DST: variants seen among roughly 807,000 people sequenced by gnomAD.
The protein encoded by DST is dystonin, also known as bullous pemphigoid antigen.
A neutral mutation model predicts 875.2 loss-of-function variants in DST; 253 were observed. That is an observed-to-expected ratio of 0.29 (90% CI 0.26 to 0.32). The LOEUF (loss-of-function observed/expected upper bound fraction) is 0.32. Ranked by LOEUF, DST falls within the 10% of genes least tolerant of loss-of-function variation. The pLI, the probability that DST is intolerant of heterozygous loss-of-function variation, is 1.00. For missense variants in DST, 8,287 were observed against 9,111.6 expected, an observed-to-expected ratio of 0.91 and a Z score of 3.68; for synonymous variants, 3,124 against 3,197.1, an observed-to-expected ratio of 0.98 and a Z score of 0.77.
chr6:56,721,083 C>T (rs1182843106), intron 5 of DST, among the ~76,000 whole-genome samples: 33 of 149,310 alleles, frequency 2.2e-4, no homozygotes, highest in South Asian at 1.1e-3. Flanking sequence ...ACCTCCCAGA[C>T]GGGGCGGCTG....
rs111742523 is a variant in DST at position 56,661,492 on chromosome 6, G to C, written c.1214+9149C>G. Among the ~76,000 whole-genome samples the C allele has an allele frequency of 2.3e-3, 346 of 152,170 alleles. 1 individual carries two copies. Among genetic ancestry groups the C allele is most frequent in the African/African-American group, 8.0e-3 (332 of 41,536 alleles). ...TGTTAGTGGATCAGTGGCAGCATGC[G>C]GGGGGAGGGGAAACTCATGTTGATT... is the stretch of plus-strand genomic sequence containing the variant. On this transcript the variant is annotated intron_variant, in intron 10 of 103. Coordinates refer to ENST00000680361, the MANE Select transcript of DST (RefSeq NM_001374736.1).
chr6:56,912,174 G>A (rs1799051143), intron 2 of DST, among the ~76,000 whole-genome samples: 1 of 152,104 alleles, frequency 6.6e-6, no homozygotes, highest in African/African-American at 2.4e-5. Flanking sequence ...AGCCCTTTCT[G>A]CTCATTCCAT....
In DST at chr6:56,580,623, T is replaced by C. The variant is rs140716671; in HGVS notation, c.12904-1686A>G. 1.1e-4 allele frequency among the ~76,000 whole-genome samples: 17 copies of C among 151,492 alleles called. No individual in the cohort carries two copies. In the East Asian group the frequency reaches 2.5e-3, roughly 22 times the overall value. ...ATTTCATAATTACAGAATGTTCTAG[T>C]AGACAGCACTGCTGGAGAGGGCAGG... On this transcript the variant is annotated intron_variant, in intron 49 of 103. Transcript: ENST00000680361.
chr6:56,838,155 C>T (rs2099795907), intron 4 of DST, among the ~76,000 whole-genome samples: 1 of 152,146 alleles, frequency 6.6e-6, no homozygotes, highest in South Asian at 2.1e-4. Flanking sequence ...AAATAACAAA[C>T]ATTCGAAACT....
At chr6:56,762,441 C>T (rs1378225173) in intron 4 of DST, among the ~76,000 whole-genome samples, 1 of 152,218 alleles carries the variant, frequency 6.6e-6, no homozygotes, top group Admixed American at 6.5e-5. Context: ...AAAAGCAGCT[C>T]CTCCAGAGTC....
intron 2 of DST, among the ~76,000 whole-genome samples, chr6:56,905,597 T>C (rs1339323019): frequency 6.6e-6 from 1 of 152,184 alleles, no homozygotes; most frequent in African/African-American, 2.4e-5. Flanking sequence ...TTCCTTCATT[T>C]TTTAAGGCTG....
rs7739328 is a variant in DST at position 56,534,492 on chromosome 6, T to C, written c.16941+630A>G. Among the ~76,000 whole-genome samples, 1,362 of 152,290 alleles carry C rather than the reference T, an allele frequency of 8.9e-3. 21 individuals carry two copies. The highest frequency in any genetic ancestry group is 0.032 in the African/African-American group (1,311 of 41,556). ...CTATTTTCCCAAATTGGCCCCACTT[T>C]AGTAGTGTCAAAAGACACAATGGCA... On this transcript the variant is annotated intron_variant, in intron 63 of 103. Coordinates refer to ENST00000680361, the MANE Select transcript of DST (RefSeq NM_001374736.1).
At chr6:56,593,526 A>AAAAAAAAAC (rs2098324363) in intron 48 of DST, 137 bp downstream of exon 48, 1 of 598,258 alleles carries the variant, frequency 1.7e-6, no homozygotes, top group Non-Finnish European at 2.5e-6. Context: ...CAAAAAAAAA[A>AAAAAAAAAC]AAAAAAATAG....
intron 61 of DST, among the ~76,000 whole-genome samples, chr6:56,537,986 TATG>T (rs1305669225): frequency 1.3e-5 from 2 of 151,760 alleles, no homozygotes; most frequent in Non-Finnish European, 2.9e-5. Flanking sequence ...ACATCAATAT[TATG>T]ATTATTTTTT....
intron 84 of DST, 30 bp downstream of exon 84, chr6:56,492,904 A>AGG (rs2095799105): frequency 6.8e-7 from 1 of 1,471,504 alleles, no homozygotes; most frequent in Non-Finnish European, 9.0e-7. Context: ...GTCTGAAAAG[A>AGG]GAATCCTATC....
chr6:56,557,706 A>G (rs1480384104), intron 58 of DST, among the ~76,000 whole-genome samples, 188 bp from the exon 59 acceptor site: 1 of 152,168 alleles, frequency 6.6e-6, no homozygotes, highest in Non-Finnish European at 1.5e-5. Context: ...TATGTCAACT[A>G]AAGTATAGGG....
At chr6:56,652,520 G>T (rs2098982332) in intron 10 of DST, among the ~76,000 whole-genome samples, 1 of 152,140 alleles carries the variant, frequency 6.6e-6, no homozygotes, top group Non-Finnish European at 1.5e-5. Context: ...AGGGCTCAAA[G>T]GTAGTGTGGG....
chr6:56,891,254 C>A (rs969013548), intron 3 of DST, among the ~76,000 whole-genome samples: 1 of 152,146 alleles, frequency 6.6e-6, no homozygotes, highest in African/African-American at 2.4e-5. Context: ...ACAGGAGATG[C>A]AGTAAGACAC....
chr6:56,760,985 T>G (rs1281338446), intron 4 of DST, among the ~76,000 whole-genome samples: 1 of 152,210 alleles, frequency 6.6e-6, no homozygotes, highest in African/African-American at 2.4e-5. Context: ...GGACACTAAT[T>G]AATGGAATAT....
At chr6:56,481,572 A>T (rs953147812) in intron 90 of DST, among the ~76,000 whole-genome samples, 2 of 152,232 alleles carry the variant, frequency 1.3e-5, no homozygotes, top group African/African-American at 2.4e-5. Context: ...TAAAAACAGA[A>T]GCAGCAGAGG....
chr6:56,610,612 A>T (rs752365198), intron 38 of DST, 50 bp from the exon 39 acceptor site: 1 of 1,467,534 alleles, frequency 6.8e-7, no homozygotes, highest in East Asian at 2.3e-5. Context: ...TCCTCAAGAG[A>T]TAAAGATGTA....
intron 13 of DST, among the ~76,000 whole-genome samples, chr6:56,646,389 G>A (rs2098942815): frequency 6.6e-6 from 1 of 152,182 alleles, no homozygotes; most frequent in African/African-American, 2.4e-5. Flanking sequence ...AATTATTGAT[G>A]TGAGCCATGA....
At chr6:56,837,211 T>G (rs1189399147) in intron 4 of DST, among the ~76,000 whole-genome samples, 1 of 152,204 alleles carries the variant, frequency 6.6e-6, no homozygotes, top group Non-Finnish European at 1.5e-5. Context: ...CTAACTGTGA[T>G]TAATAATAAA....
At chr6:56,582,573 A>G (rs1484115204) in intron 49 of DST, among the ~76,000 whole-genome samples, 7 of 151,848 alleles carry the variant, frequency 4.6e-5, no homozygotes, top group Admixed American at 4.6e-4. Context: ...TTTTCTTTAT[A>G]AATTACCCAG....
Sources: allele counts gnomAD v4.1 joint callset (sites outside exome capture counted in the v4.1 genomes callset), GRCh38; gene constraint gnomAD v4.1.1; transcripts MANE v1.5; gene names NCBI Gene and HGNC (gene_info 2026-07-23, HGNC 2026-07-21).